CDC16: variants seen among roughly 807,000 people sequenced by gnomAD.
CDC16 encodes cell division cycle protein 16 homolog.
CDC16 carries 34 observed loss-of-function variants against 87.0 expected under a neutral mutation model. That is an observed-to-expected ratio of 0.39 (90% CI 0.30 to 0.52). The LOEUF (loss-of-function observed/expected upper bound fraction) is 0.52, where lower values mean the gene tolerates loss of function less well. CDC16 is among the 20% of genes least tolerant of loss of function. CDC16 has a pLI of 0.74. For missense variants in CDC16, 653 were observed against 751.9 expected (o/e 0.87, Z 1.54); for synonymous variants, 263 against 260.6 (o/e 1.01, Z -0.09).
chr13:114,261,222 A>G (rs2082843508), intron 14 of CDC16, among the ~76,000 whole-genome samples: 1 of 152,192 alleles, frequency 6.6e-6, no homozygotes, highest in Non-Finnish European at 1.5e-5. Context: ...CAGGAGGGTT[A>G]AGTGTGGATC....
At chr13:114,243,497 C>CAA (rs1225064380) in intron 7 of CDC16, 149 bp downstream of exon 7, 2 of 349,634 alleles carry the variant, frequency 5.7e-6, no homozygotes, top group South Asian at 4.8e-5. Flanking sequence ...ACATAAGATT[C>CAA]CAAAAAAAAA....
chr13:114,243,793 T>G, intron 7 of CDC16, 63 bp from the exon 8 acceptor site: 1 of 1,407,910 alleles, frequency 7.1e-7, no homozygotes, highest in Middle Eastern at 2.3e-4. Context: ...AAACACAAAT[T>G]GAATCCACAT....
intron 11 of CDC16, among the ~76,000 whole-genome samples, chr13:114,249,712 T>C (rs955203881): frequency 2.0e-5 from 3 of 152,248 alleles, no homozygotes; most frequent in Non-Finnish European, 4.4e-5. Flanking sequence ...AGCCTTGGTA[T>C]ACCTGTCTTT....
chr13:114,262,629 C>G (rs1276288158), intron 15 of CDC16, among the ~76,000 whole-genome samples: 1 of 152,236 alleles, frequency 6.6e-6, no homozygotes, highest in Non-Finnish European at 1.5e-5. Flanking sequence ...CAGTGTCCCA[C>G]TGAACATCAA....
chr13:114,236,952 G>A, intron 3 of CDC16, 56 bp downstream of exon 3: 1 of 1,191,694 alleles, frequency 8.4e-7, no homozygotes, highest in South Asian at 1.4e-5. Flanking sequence ...AATGTCATTA[G>A]TGGCCGGGCG....
At chr13:114,260,560 C>T (rs2082782801) in intron 14 of CDC16, among the ~76,000 whole-genome samples, 1 of 152,214 alleles carries the variant, frequency 6.6e-6, no homozygotes, top group South Asian at 2.1e-4. Context: ...TTGAGAAGCA[C>T]TTTCCTAAAC....
rs143637416 is a variant in CDC16 at position 114,253,094 on chromosome 13, A to G, written c.1097+2420A>G. ...CAGCCTGGGTGACCAGTTGAGATAC[A>G]TCTCAAAAACCTCATGATAGCTCAT... On this transcript the variant is annotated intron_variant, in intron 12 of 17. Transcript: ENST00000356221. Among the ~76,000 whole-genome samples the G allele has an allele frequency of 9.8e-3, 1,488 of 152,268 alleles. 22 individuals carry two copies. Among genetic ancestry groups the G allele is most frequent in the African/African-American group, 0.034 (1,414 of 41,544 alleles).
At chr13:114,267,447 GCCAAGAT>G (rs2139186805) in intron 17 of CDC16, among the ~76,000 whole-genome samples, 1 of 151,770 alleles carries the variant, frequency 6.6e-6, no homozygotes, top group East Asian at 2.0e-4. Flanking sequence ...GTTGCAGTGA[GCCAAGAT>G]TGTGCCACTG....
At chr13:114,237,043 G>C in intron 3 of CDC16, 147 bp downstream of exon 3, 1 of 489,680 alleles carries the variant, frequency 2.0e-6, no homozygotes, top group Non-Finnish European at 3.5e-6. Context: ...AGACCAAGAT[G>C]GTGAAACCCC....
Position 114,239,418 on chromosome 13 carries a change from A to G in CDC16, c.309A>G (p.Leu103=). The G allele has an allele frequency of 1.2e-6, 2 of 1,613,402 alleles. No individual in the cohort carries two copies. Among genetic ancestry groups the G allele is most frequent in the Non-Finnish European group, 1.7e-6 (2 of 1,179,448 alleles). The change falls in exon 5 of 18, where the codon TTA becomes TTG. Residue 103 remains leucine, a synonymous_variant. Transcript: ENST00000356221. The stretch of plus-strand genomic sequence containing the variant: ...TGGAAGAGCCCATCAATAAAAGATT[A>G]TTTGAAAAATACTTGAAGGACGAAA... ...LDMEEPINKR[L]FEKYLKDESG...
chr13:114,267,772 C>T (rs935755723), intron 17 of CDC16, among the ~76,000 whole-genome samples: 1 of 144,956 alleles, frequency 6.9e-6, no homozygotes, highest in African/African-American at 2.9e-5. Flanking sequence ...TTTGGGAGTC[C>T]TCCTCCCATG....
rs778518639 is a variant in CDC16, at chr13:114,243,975, C to G, written c.753C>G (p.Tyr251Ter). 2 of 1,608,280 alleles carry G rather than the reference C, an allele frequency of 1.2e-6. No individual in the cohort carries two copies. Among genetic ancestry groups the G allele is most frequent in the Non-Finnish European group, 1.7e-6 (2 of 1,175,298 alleles). Reference protein sequence around the residue: ...HYYNCDFKMCYKLTSVVMEKD... With the variant: ...HYYNCDFKMC ...ATAACTGTGATTTTAAAATGTGCTA[C>G]AAGCTTACTTCTGTGTAAGTATATC... The change falls in exon 8 of 18, where the codon TAC becomes TAG. Residue 251 changes from tyrosine to a stop codon, truncating the protein, a stop_gained. Transcript: ENST00000356221. LOFTEE classifies it high-confidence loss of function.
intron 7 of CDC16, 83 bp from the exon 8 acceptor site, chr13:114,243,773 C>G (rs2081689339): frequency 2.6e-6 from 3 of 1,167,892 alleles, no homozygotes; most frequent in Non-Finnish European, 2.5e-6. Flanking sequence ...ATGTTTTAAC[C>G]ACTTGGGCCA....
chr13:114,245,314 G>T (rs1350746486), intron 9 of CDC16, among the ~76,000 whole-genome samples: 2 of 142,536 alleles, frequency 1.4e-5, no homozygotes, highest in African/African-American at 5.2e-5. Context: ...GATATGGTAA[G>T]AGTTGATAAC....
chr13:114,265,614 A>G (rs1398769274), intron 17 of CDC16, among the ~76,000 whole-genome samples: 3 of 152,246 alleles, frequency 2.0e-5, no homozygotes, highest in Non-Finnish European at 4.4e-5. Context: ...GTATAACAAT[A>G]TAAATCTTTA....
intron 16 of CDC16, among the ~76,000 whole-genome samples, chr13:114,264,448 C>T (rs1278806410): frequency 6.6e-6 from 1 of 152,024 alleles, no homozygotes; most frequent in Admixed American, 6.5e-5. Context: ...AGCCCTGCGC[C>T]CGGTCCCAGG....
chr13:114,247,026 C>G, intron 11 of CDC16, 22 bp downstream of exon 11: 1 of 1,492,854 alleles, frequency 6.7e-7, no homozygotes. Context: ...TTTTTTTCCT[C>G]TCTAGTTAAC....
At chr13:114,258,689 C>T (rs558968561) in intron 13 of CDC16, among the ~76,000 whole-genome samples, 1 of 152,210 alleles carries the variant, frequency 6.6e-6, no homozygotes, top group Middle Eastern at 3.4e-3. Flanking sequence ...AACAAGGTTA[C>T]GCATTGATCA....
chr13:114,238,376 A>C (rs1047149426), intron 3 of CDC16, among the ~76,000 whole-genome samples: 4 of 146,286 alleles, frequency 2.7e-5, no homozygotes, highest in Admixed American at 2.0e-4. Flanking sequence ...ATTCACACTC[A>C]GTGCCTGAAG....
Sources: gnomAD v4.1 joint callset for allele counts (sites outside exome capture counted in the v4.1 genomes callset) on GRCh38, gnomAD v4.1.1 for gene constraint, MANE v1.5 for transcripts, NCBI Gene and HGNC (gene_info 2026-07-23, HGNC 2026-07-21) for gene names.